RANBP9: variants seen among roughly 807,000 people sequenced by gnomAD.
RANBP9 encodes ran-binding protein 9.
A neutral mutation model predicts 84.3 loss-of-function variants in RANBP9; 15 were observed. The ratio of observed to expected loss-of-function variants is 0.18; its 90% confidence interval spans 0.12 to 0.27. The LOEUF (loss-of-function observed/expected upper bound fraction) is 0.27. Ranked by LOEUF, RANBP9 falls within the 10% of genes least tolerant of loss-of-function variation. The pLI, the probability that RANBP9 is intolerant of heterozygous loss-of-function variation, is 1.00. For synonymous variants in RANBP9, 392 were observed against 349.6 expected, an observed-to-expected ratio of 1.12 and a Z score of -1.35; for missense variants, 809 against 912.8, an observed-to-expected ratio of 0.89 and a Z score of 1.46.
chr6:13,629,286 AT>A (rs1259103851), intron 12 of RANBP9, among the ~76,000 whole-genome samples: 2 of 152,132 alleles, frequency 1.3e-5, no homozygotes, highest in Non-Finnish European at 2.9e-5. Flanking sequence ...TCGTGTAGTT[AT>A]TTAAAAATAA....
chr6:13,647,535 G>A (rs1398139816), intron 5 of RANBP9, among the ~76,000 whole-genome samples: 1 of 152,018 alleles, frequency 6.6e-6, no homozygotes, highest in Non-Finnish European at 1.5e-5. Flanking sequence ...ATAACATATT[G>A]TATATGGTAT....
intron 13 of RANBP9, among the ~76,000 whole-genome samples, chr6:13,624,958 C>T (rs570877034): frequency 3.3e-4 from 50 of 152,226 alleles, no homozygotes; most frequent in African/African-American, 1.1e-3. Context: ...TAGGCTGCTG[C>T]TACCCATTGC....
At chr6:13,696,660 A>G in intron 2 of RANBP9, 125 bp downstream of exon 2, 1 of 714,834 alleles carries the variant, frequency 1.4e-6, no homozygotes, top group South Asian at 2.0e-5. Context: ...TTATACTGAA[A>G]TATTCAGATT....
At chr6:13,684,531 C>T (rs757209610) in intron 2 of RANBP9, among the ~76,000 whole-genome samples, 3 of 152,216 alleles carry the variant, frequency 2.0e-5, no homozygotes, top group Admixed American at 1.3e-4. Flanking sequence ...TTCAACTTTC[C>T]TCTCTAACCA....
chr6:13,622,391 A>T lies in RANBP9; in HGVS notation c.2161T>A (p.Phe721Ile). The T allele has an allele frequency of 1.3e-6, 2 of 1,598,076 alleles. No homozygotes were observed. The highest frequency in any genetic ancestry group is 1.7e-6 in the Non-Finnish European group (2 of 1,172,072). ...TGTAGGTAGTCTTCCACTGTGGCAA[A>T]TGCGCAGGATCCAATTCCTGATCGA... ...MARSGIGSCAFATVEDYLH is the reference protein window; with the variant it reads ...MARSGIGSCAIATVEDYLH Residue 721 changes from phenylalanine (F) to isoleucine (I), a missense_variant, in exon 14 of 14, where the codon TTT becomes ATT. Coordinates refer to ENST00000011619, the MANE Select transcript of RANBP9 (RefSeq NM_005493.3).
At chr6:13,697,500 C>G (rs985586741) in intron 1 of RANBP9, among the ~76,000 whole-genome samples, 1 of 152,126 alleles carries the variant, frequency 6.6e-6, no homozygotes, top group Non-Finnish European at 1.5e-5. Context: ...AATTTCTAAA[C>G]GTATTTTTTT....
At chr6:13,677,589 G>A (rs1765922935) in intron 2 of RANBP9, among the ~76,000 whole-genome samples, 1 of 152,054 alleles carries the variant, frequency 6.6e-6, no homozygotes, top group Admixed American at 6.6e-5. Context: ...ACTACAGCAA[G>A]ATACACTAGT....
intron 5 of RANBP9, among the ~76,000 whole-genome samples, chr6:13,651,756 A>G (rs1765302760): frequency 1.3e-5 from 2 of 152,070 alleles, no homozygotes; most frequent in Non-Finnish European, 2.9e-5. Flanking sequence ...AAGTCCTATC[A>G]TGACAAATAA....
intron 1 of RANBP9, among the ~76,000 whole-genome samples, chr6:13,709,549 C>T (rs554678015): frequency 3.7e-4 from 57 of 152,258 alleles, no homozygotes; most frequent in African/African-American, 1.2e-3. Context: ...AAATACTTCA[C>T]AAGGAAATTA....
intron 2 of RANBP9, among the ~76,000 whole-genome samples, chr6:13,687,551 A>C (rs1766218293): frequency 6.6e-6 from 1 of 152,054 alleles, no homozygotes; most frequent in Non-Finnish European, 1.5e-5. Flanking sequence ...CTATCCATTT[A>C]ATCTTCTAAG....
intron 2 of RANBP9, among the ~76,000 whole-genome samples, chr6:13,676,522 A>G (rs1172583628): frequency 3.3e-5 from 5 of 152,178 alleles, no homozygotes; most frequent in Non-Finnish European, 5.9e-5. Context: ...GCAGACAAAT[A>G]TCTCTTATGA....
At chr6:13,635,276 T>C (rs1562298647) in intron 10 of RANBP9, among the ~76,000 whole-genome samples, 4 of 152,208 alleles carry the variant, frequency 2.6e-5, no homozygotes, top group African/African-American at 9.6e-5. Flanking sequence ...TGAATATCTA[T>C]CTGCCAATAA....
chr6:13,667,502 T>C (rs1765677637), intron 2 of RANBP9, among the ~76,000 whole-genome samples: 1 of 152,218 alleles, frequency 6.6e-6, no homozygotes, highest in South Asian at 2.1e-4. Context: ...ACATAACAAA[T>C]GTTTCGGTCA....
chr6:13,680,187 A>C (rs1765998458), intron 2 of RANBP9, among the ~76,000 whole-genome samples: 1 of 152,188 alleles, frequency 6.6e-6, no homozygotes, highest in Non-Finnish European at 1.5e-5. Flanking sequence ...AAGACCCAAC[A>C]TACATTCATA....
At chr6:13,681,124 C>T (rs1284028504) in intron 2 of RANBP9, among the ~76,000 whole-genome samples, 1 of 152,112 alleles carries the variant, frequency 6.6e-6, no homozygotes, top group Non-Finnish European at 1.5e-5. Flanking sequence ...ACTCAACTAC[C>T]TGGATGAGTA....
At chr6:13,682,395 T>TA (rs202214378) in intron 2 of RANBP9, among the ~76,000 whole-genome samples, 2,547 of 102,342 alleles carry the variant, frequency 0.025, 55 homozygotes, top group African/African-American at 0.056. Context: ...GAAGCAAAAT[T>TA]AAAAAAAAAA....
Position 13,622,080 on chromosome 6 carries a change from A to T in RANBP9, c.*282T>A. 4 of 185,830 alleles carry T rather than the reference A, an allele frequency of 2.2e-5. No individual in the cohort carries two copies. The highest frequency in any genetic ancestry group is 6.2e-5 in the Admixed American group (1 of 16,014). 11.5% of individuals were successfully genotyped at this position (185,830 alleles called of 1,614,324 possible). ...GAAGGCAGGATTTTTGGTTTCTTTT[A>T]GGTAATTGTTTTAAAGGATTTGTGA... On this transcript the variant is annotated 3_prime_UTR_variant, in exon 14 of 14. Coordinates refer to ENST00000011619, the MANE Select transcript of RANBP9 (RefSeq NM_005493.3).
At chr6:13,690,399 G>A (rs1021198267) in intron 2 of RANBP9, among the ~76,000 whole-genome samples, 2 of 152,072 alleles carry the variant, frequency 1.3e-5, no homozygotes, top group African/African-American at 4.8e-5. Flanking sequence ...ATCAAACCTA[G>A]AAGGAAAGAT....
chr6:13,706,212 CG>C (rs1020269844), intron 1 of RANBP9, among the ~76,000 whole-genome samples: 2 of 152,088 alleles, frequency 1.3e-5, no homozygotes, highest in Non-Finnish European at 2.9e-5. Context: ...GGCGTCGCGG[CG>C]GGCACCTGTA....
Sources: allele counts gnomAD v4.1 joint callset (sites outside exome capture counted in the v4.1 genomes callset), GRCh38; gene constraint gnomAD v4.1.1; transcripts MANE v1.5; gene names NCBI Gene and HGNC (gene_info 2026-07-23, HGNC 2026-07-21).